Variants in ADGRB3 observed in about 807,000 individuals in gnomAD.
ADGRB3 encodes the protein adhesion G protein-coupled receptor B3, also known as brain-specific angiogenesis inhibitor 3.
Under a neutral mutation model 193.4 loss-of-function variants are expected in ADGRB3, and 37 were observed. The ratio of observed to expected loss-of-function variants is 0.19; its 90% CI spans 0.15 to 0.25. ADGRB3 has a LOEUF of 0.25. Ranked by LOEUF, ADGRB3 falls within the 10% of genes least tolerant of loss-of-function variation. ADGRB3 has a pLI of 1.00. For missense variants in ADGRB3, 1,637 were observed against 1,852.9 expected, an observed-to-expected ratio of 0.88 and a Z score of 2.14; for synonymous variants, 690 against 644.2, an observed-to-expected ratio of 1.07 and a Z score of -1.08.
At chr6:69,161,156 A>G (rs1352833110) in intron 17 of ADGRB3, among the ~76,000 whole-genome samples, 4 of 152,126 alleles carry the variant, frequency 2.6e-5, no homozygotes, top group African/African-American at 4.8e-5. Context: ...AATAAAGCCT[A>G]ATATGTAATC....
At chr6:69,254,721 T>C (rs145183514) in intron 20 of ADGRB3, among the ~76,000 whole-genome samples, 96 of 151,954 alleles carry the variant, frequency 6.3e-4, no homozygotes, top group Middle Eastern at 3.4e-3. Flanking sequence ...TTTTTTATTA[T>C]TATAATTTAA....
chr6:69,073,851 T>C lies in ADGRB3; in HGVS notation c.2437-2144T>C, dbSNP rs148276894. ...CTCACCCCTCTACCACCCTGGCCAC[T>C]GGCAGAGTCATGGCCGACCTCCGCC... On this transcript the variant is annotated intron_variant, in intron 16 of 31. Coordinates refer to ENST00000370598, the MANE Select transcript of ADGRB3 (RefSeq NM_001704.3). Among the ~76,000 whole-genome samples the C allele has an allele frequency of 2.2e-4, 34 of 152,286 alleles. No homozygotes were observed. In the East Asian group the frequency reaches 6.2e-3, roughly 28 times the overall value.
chr6:69,201,707 T>C (rs1765420748), intron 17 of ADGRB3, among the ~76,000 whole-genome samples: 1 of 152,150 alleles, frequency 6.6e-6, no homozygotes, highest in Non-Finnish European at 1.5e-5. Context: ...GGTCTCAATG[T>C]TATTAGGTCT....
chr6:68,853,232 ATC>A, intron 3 of ADGRB3, among the ~76,000 whole-genome samples: 1 of 152,224 alleles, frequency 6.6e-6, no homozygotes. Flanking sequence ...GTACAATAAT[ATC>A]TGACAGAAAT....
intron 20 of ADGRB3, among the ~76,000 whole-genome samples, chr6:69,279,756 T>C (rs1767392930): frequency 6.6e-6 from 1 of 152,082 alleles, no homozygotes; most frequent in Admixed American, 6.6e-5. Flanking sequence ...TGAGAGATGC[T>C]AGGTTTGTCC....
rs1401069830 is a variant in ADGRB3 at position 69,361,361 on chromosome 6, T to C, written c.4088T>C (p.Leu1363Ser). ...PPVMDQFNMN[L>S]EQHLAPQEHM... ...GTAATGGACCAGTTCAATATGAACT[T>C]AGAGCAACATCTCGCACCCCAGGAA... Residue 1363 changes from leucine (L) to serine (S), a missense_variant, in exon 29 of 32, where the codon TTA becomes TCA. By Grantham distance (145) the Leu-to-Ser change is moderately radical. Coordinates refer to ENST00000370598, the MANE Select transcript of ADGRB3 (RefSeq NM_001704.3). 6.2e-7 allele frequency: 1 copy of C among 1,613,054 alleles called. No individual in the cohort carries two copies. Among genetic ancestry groups the C allele is most frequent in the Admixed American group, 1.7e-5 (1 of 59,902 alleles).
chr6:69,000,120 C>T (rs1403186476), intron 11 of ADGRB3, among the ~76,000 whole-genome samples: 3 of 152,020 alleles, frequency 2.0e-5, no homozygotes, highest in African/African-American at 7.2e-5. Flanking sequence ...CAAATTTCAG[C>T]CTGTCCAGCT....
At chr6:69,138,085 A>G (rs551157515) in intron 17 of ADGRB3, among the ~76,000 whole-genome samples, 2 of 152,298 alleles carry the variant, frequency 1.3e-5, no homozygotes, top group South Asian at 2.1e-4. Context: ...GGTACCCATC[A>G]TTTCCATGGA....
intron 17 of ADGRB3, among the ~76,000 whole-genome samples, chr6:69,164,522 G>C (rs916597122): frequency 1.3e-5 from 2 of 152,036 alleles, no homozygotes; most frequent in Non-Finnish European, 2.9e-5. Context: ...CAAACCTCAA[G>C]TTAGCATAAG....
At chr6:68,818,565 A>G (rs935527067) in intron 3 of ADGRB3, among the ~76,000 whole-genome samples, 1 of 152,004 alleles carries the variant, frequency 6.6e-6, no homozygotes, top group African/African-American at 2.4e-5. Flanking sequence ...GGAAAGGGGG[A>G]AAAAAGGTGC....
At chr6:68,705,935 A>G (rs1431907561) in intron 3 of ADGRB3, among the ~76,000 whole-genome samples, 1 of 152,186 alleles carries the variant, frequency 6.6e-6, no homozygotes, top group Non-Finnish European at 1.5e-5. Context: ...CAGGATTCTT[A>G]GTGAAGGCAG....
chr6:69,368,084 A>C (rs971660868), intron 29 of ADGRB3, among the ~76,000 whole-genome samples: 1 of 151,854 alleles, frequency 6.6e-6, no homozygotes, highest in African/African-American at 2.4e-5. Context: ...AGCATGGCAC[A>C]TGTATACATA....
intron 17 of ADGRB3, among the ~76,000 whole-genome samples, chr6:69,188,678 A>C (rs1275091871): frequency 6.6e-6 from 1 of 152,138 alleles, no homozygotes; most frequent in Admixed American, 6.5e-5. Context: ...GTATCACTGC[A>C]TGCTCAAAGC....
intron 6 of ADGRB3, among the ~76,000 whole-genome samples, chr6:68,950,050 A>AAGC (rs1767873754): frequency 1.3e-5 from 2 of 152,124 alleles, no homozygotes; most frequent in South Asian, 4.2e-4. Flanking sequence ...TGCCCAAAGC[A>AAGC]AGAGGTTGTA....
At chr6:68,995,926 C>T (rs558479333) in intron 11 of ADGRB3, among the ~76,000 whole-genome samples, 1 of 152,138 alleles carries the variant, frequency 6.6e-6, no homozygotes, top group African/African-American at 2.4e-5. Context: ...CTACTTCCCA[C>T]AATTTTATAC....
At chr6:69,322,893 T>G (rs1339409592) in intron 20 of ADGRB3, among the ~76,000 whole-genome samples, 3 of 151,928 alleles carry the variant, frequency 2.0e-5, no homozygotes, top group Admixed American at 2.0e-4. Context: ...CCTTATTTCT[T>G]TAGCTACAAC....
At chr6:68,729,215 A>T (rs9363963) in intron 3 of ADGRB3, among the ~76,000 whole-genome samples, 1 of 151,428 alleles carries the variant, frequency 6.6e-6, no homozygotes, top group Admixed American at 6.6e-5. Context: ...TGGTAGAGCT[A>T]CTGTGAAAGC....
intron 3 of ADGRB3, among the ~76,000 whole-genome samples, chr6:68,694,995 A>G (rs1765134291): frequency 6.6e-6 from 1 of 152,092 alleles, no homozygotes; most frequent in Non-Finnish European, 1.5e-5. Flanking sequence ...TAGGCATCGT[A>G]TAGTCTATTT....
chr6:68,928,044 G>C (rs1376197360), intron 3 of ADGRB3, among the ~76,000 whole-genome samples: 1 of 150,968 alleles, frequency 6.6e-6, no homozygotes, highest in East Asian at 1.9e-4. Context: ...TACGGTGTAG[G>C]ATATTGAAAT....
Sources: gnomAD v4.1 joint callset for allele counts (sites outside exome capture counted in the v4.1 genomes callset) on GRCh38, gnomAD v4.1.1 for gene constraint, MANE v1.5 for transcripts, NCBI Gene and HGNC (gene_info 2026-07-23, HGNC 2026-07-21) for gene names.